The following CACNA2D3 variants were observed in gnomAD, a reference collection of about 807,000 sequenced individuals.
The protein encoded by CACNA2D3 is calcium voltage-gated channel auxiliary subunit alpha2delta 3, also known as voltage-dependent calcium channel subunit alpha-2/delta-3.
A neutral mutation model predicts 160.6 loss-of-function variants in CACNA2D3; 60 were observed. The observed-to-expected ratio is 0.37, with a 90% confidence interval of 0.30 to 0.46. The LOEUF (loss-of-function observed/expected upper bound fraction) is 0.46. Among genes scored for constraint, CACNA2D3 ranks in the 20% least tolerant of loss-of-function variants. The pLI is 1.00. For missense variants in CACNA2D3, 1,205 were observed against 1,365.0 expected, an observed-to-expected ratio of 0.88 and a Z score of 1.85; for synonymous variants, 558 against 492.9, an observed-to-expected ratio of 1.13 and a Z score of -1.75.
At chr3:54,800,504 A>G (rs1372591044) in intron 13 of CACNA2D3, among the ~76,000 whole-genome samples, 2 of 152,194 alleles carry the variant, frequency 1.3e-5, no homozygotes, top group Admixed American at 6.5e-5. Flanking sequence ...TTCAGATACA[A>G]TGCAGAGTGA....
chr3:54,872,134 G>A (rs940267748), intron 18 of CACNA2D3, among the ~76,000 whole-genome samples: 1 of 152,100 alleles, frequency 6.6e-6, no homozygotes, highest in Non-Finnish European at 1.5e-5. Context: ...CCCATTTCCT[G>A]TACCTTCCCA....
chr3:54,324,741 C>A (rs139337374), intron 3 of CACNA2D3, among the ~76,000 whole-genome samples: 2 of 152,058 alleles, frequency 1.3e-5, no homozygotes, highest in African/African-American at 4.8e-5. Context: ...AGTTTTAAGT[C>A]CCTACGAATG....
At chr3:54,364,879 T>A (rs190267782) in intron 3 of CACNA2D3, among the ~76,000 whole-genome samples, 13 of 152,248 alleles carry the variant, frequency 8.5e-5, no homozygotes, top group Non-Finnish European at 1.9e-4. Context: ...AGCGTTGTAT[T>A]TGACTAATAA....
At chr3:54,929,159 C>T (rs917873045) in intron 27 of CACNA2D3, among the ~76,000 whole-genome samples, 2 of 152,144 alleles carry the variant, frequency 1.3e-5, no homozygotes, top group Admixed American at 6.5e-5. Context: ...TCACCAGCTG[C>T]GTGTCTCCAG....
chr3:54,456,911 T>A (rs1429060215), intron 4 of CACNA2D3, among the ~76,000 whole-genome samples: 1 of 151,986 alleles, frequency 6.6e-6, no homozygotes, highest in African/African-American at 2.4e-5. Flanking sequence ...TGGTCTGTAA[T>A]GATTGTTTGT....
chr3:54,882,480 T>C (rs556090187), intron 21 of CACNA2D3, among the ~76,000 whole-genome samples: 2 of 152,326 alleles, frequency 1.3e-5, no homozygotes, highest in South Asian at 4.2e-4. Flanking sequence ...ACTATCTTCC[T>C]GTATGTTCCA....
intron 2 of CACNA2D3, among the ~76,000 whole-genome samples, chr3:54,214,943 G>A (rs1397525608): frequency 3.3e-5 from 5 of 152,136 alleles, no homozygotes; most frequent in Non-Finnish European, 7.4e-5. Flanking sequence ...AGCCTGATAG[G>A]GGAAAACAGT....
intron 2 of CACNA2D3, among the ~76,000 whole-genome samples, chr3:54,157,835 C>CAAAA (rs5849032): frequency 2.1e-4 from 28 of 134,236 alleles, no homozygotes; most frequent in Non-Finnish European, 3.7e-4. Context: ...CCCAACCAAA[C>CAAAA]AAAAAAAAAA....
intron 4 of CACNA2D3, among the ~76,000 whole-genome samples, chr3:54,466,125 C>T (rs1575471970): frequency 6.6e-6 from 1 of 152,198 alleles, no homozygotes; most frequent in African/African-American, 2.4e-5. Context: ...ATCGGGTTCA[C>T]ATCTCCGTAT....
At position 54,413,254 on chromosome 3, in the gene CACNA2D3, C is replaced by T. The variant is rs544630352; in HGVS notation, c.381+26480C>T. Among the ~76,000 whole-genome samples, 11 of 151,288 alleles carry T rather than the reference C, an allele frequency of 7.3e-5. 1 individual carries two copies. Among genetic ancestry groups the T allele is most frequent in the South Asian group, 4.2e-4 (2 of 4,810 alleles). On this transcript the variant is annotated intron_variant, in intron 4 of 37. Coordinates refer to ENST00000474759, the MANE Select transcript of CACNA2D3 (RefSeq NM_018398.3). Reference sequence around the variant, plus strand: ...TCTTTAGTGTTTCTGATGATATATCCGCCAACATTTGTATCTTTGTATCTT... The same window carrying T: ...TCTTTAGTGTTTCTGATGATATATCTGCCAACATTTGTATCTTTGTATCTT...
chr3:54,718,334 C>A (rs1252095432), intron 11 of CACNA2D3, among the ~76,000 whole-genome samples: 4 of 151,972 alleles, frequency 2.6e-5, no homozygotes, highest in Non-Finnish European at 5.9e-5. Context: ...GGATGATAGT[C>A]CACAATATTA....
chr3:54,428,044 C>G (rs548228442), intron 4 of CACNA2D3, among the ~76,000 whole-genome samples: 1 of 152,306 alleles, frequency 6.6e-6, no homozygotes, highest in African/African-American at 2.4e-5. Context: ...GAAAAAATGT[C>G]AAGTCATTTT....
intron 4 of CACNA2D3, among the ~76,000 whole-genome samples, chr3:54,483,524 T>A (rs994664025): frequency 3.9e-5 from 6 of 152,212 alleles, no homozygotes; most frequent in Admixed American, 6.5e-5. Context: ...TCCAGAGCAT[T>A]ATCTCAAATG....
intron 2 of CACNA2D3, among the ~76,000 whole-genome samples, chr3:54,137,071 A>G (rs1699826776): frequency 6.6e-6 from 1 of 152,108 alleles, no homozygotes; most frequent in African/African-American, 2.4e-5. Context: ...TTTTTTTACA[A>G]ATCCGTGTGC....
At chr3:54,379,505 G>T (rs940308564) in intron 3 of CACNA2D3, among the ~76,000 whole-genome samples, 1 of 152,238 alleles carries the variant, frequency 6.6e-6, no homozygotes, top group Non-Finnish European at 1.5e-5. Flanking sequence ...TTGCAGGGTG[G>T]CAGGGAAAGG....
rs763432991 is a variant in CACNA2D3 at position 54,918,758 on chromosome 3, G to A, written c.2449+18890G>A. On this transcript the variant is annotated intron_variant, in intron 27 of 37. Transcript: ENST00000474759. ...AGGACCACACCGTGGGCAGAGCCGGGCCACTGAGCCTGCGAGGACACTGGA... is the reference window on the plus strand; with the variant it reads ...AGGACCACACCGTGGGCAGAGCCGGACCACTGAGCCTGCGAGGACACTGGA... 5.3e-5 allele frequency: 85 copies of A among 1,614,054 alleles called. No individual in the cohort carries two copies. The highest frequency in any genetic ancestry group is 6.6e-5 in the Non-Finnish European group (78 of 1,180,034).
At chr3:55,043,404 G>T (rs1043129051) in intron 35 of CACNA2D3, among the ~76,000 whole-genome samples, 3 of 146,844 alleles carry the variant, frequency 2.0e-5, no homozygotes, top group African/African-American at 5.0e-5. Flanking sequence ...CTTCCATGAC[G>T]AATAATGATT....
intron 12 of CACNA2D3, among the ~76,000 whole-genome samples, chr3:54,761,065 C>T (rs1426227227): frequency 6.6e-6 from 1 of 152,140 alleles, no homozygotes; most frequent in East Asian, 1.9e-4. Flanking sequence ...ATTGTTTTCC[C>T]CCAACTCCCT....
At chr3:54,952,673 G>A (rs187945603) in intron 27 of CACNA2D3, among the ~76,000 whole-genome samples, 17 of 152,254 alleles carry the variant, frequency 1.1e-4, no homozygotes, top group Admixed American at 1.1e-3. Flanking sequence ...AAGATCTGGT[G>A]TTCATGGGTT....
Sources: gnomAD v4.1 joint callset for allele counts (sites outside exome capture counted in the v4.1 genomes callset) on GRCh38, gnomAD v4.1.1 for gene constraint, MANE v1.5 for transcripts, NCBI Gene and HGNC (gene_info 2026-07-23, HGNC 2026-07-21) for gene names.